Variants in EBF3 observed in about 807,000 individuals in gnomAD.
The protein encoded by EBF3 is transcription factor COE3.
In EBF3, 18 loss-of-function variants were observed where a neutral mutation model predicts 77.1. That is an observed-to-expected ratio of 0.23 (90% confidence interval 0.16 to 0.35). The LOEUF is 0.35. Among genes scored for constraint, EBF3 ranks in the 10% least tolerant of loss-of-function variants. The pLI, the probability that EBF3 is intolerant of heterozygous loss-of-function variation, is 1.00. For missense variants in EBF3, 558 were observed against 860.0 expected (o/e 0.65, Z 4.39); for synonymous variants, 350 against 343.5 (o/e 1.02, Z -0.21).
intron 6 of EBF3, among the ~76,000 whole-genome samples, chr10:129,891,133 A>G (rs1265514822): frequency 6.6e-6 from 1 of 152,236 alleles, no homozygotes; most frequent in Non-Finnish European, 1.5e-5. Context: ...GTACCGGGAT[A>G]TAGTGTAATA....
chr10:129,840,190 A>G lies in EBF3; in HGVS notation c.1759+55T>C. The G allele has an allele frequency of 3.2e-6, 3 of 932,230 alleles. No homozygotes were observed. In the South Asian group the frequency reaches 4.5e-5, roughly 14 times the overall value. 57.7% of individuals were successfully genotyped at this position (932,230 alleles called of 1,614,324 possible). ...AGGCCGAGCCCCCACCCCCACTCCC[A>G]TCCCCACCCCTGGAGAGGACCCAGC... On this transcript the variant is annotated intron_variant, in intron 15 of 16. Coordinates refer to ENST00000440978, the MANE Select transcript of EBF3 (RefSeq NM_001375380.1).
chr10:129,839,077 T>C lies in EBF3; in HGVS notation c.1872+6A>G. ...TGTGAAGACAATGATTTCAAATCACTGATACCTTTCCAGTTCCTTTTTTGA... is the reference window on the plus strand; with the variant it reads ...TGTGAAGACAATGATTTCAAATCACCGATACCTTTCCAGTTCCTTTTTTGA... On this transcript the variant is annotated splice_donor_region_variant and intron_variant, in intron 16 of 16. Transcript: ENST00000440978. 2.3e-6 allele frequency: 3 copies of C among 1,304,518 alleles called. No homozygotes were observed. The highest frequency in any genetic ancestry group is 3.0e-6 in the Non-Finnish European group (3 of 989,006). 80.8% of individuals were successfully genotyped at this position (1,304,518 alleles called of 1,614,324 possible).
Position 129,897,605 on chromosome 10 carries a change from C to T in EBF3, c.555-19756G>A, listed in dbSNP as rs993479592. 2.6e-5 allele frequency among the ~76,000 whole-genome samples: 4 copies of T among 152,184 alleles called. No individual in the cohort carries two copies. The highest frequency in any genetic ancestry group is 4.2e-4 in the South Asian group (2 of 4,798). ...GAGAGGCGAAGCCCGGGAAGGTTCTCGAGGGCGCCCATTGTCTCCGAGCCT... is the reference window on the plus strand; with the variant it reads ...GAGAGGCGAAGCCCGGGAAGGTTCTTGAGGGCGCCCATTGTCTCCGAGCCT... On this transcript the variant is annotated intron_variant, in intron 6 of 16. Transcript: ENST00000440978. The surrounding 1 kb of genome is among the most constrained non-coding windows in gnomAD (Gnocchi z 4.6).
chr10:129,841,042 T>TTC lies in EBF3; in HGVS notation c.1373-11_1373-10insGA. 2 of 1,507,646 alleles carry TTC rather than the reference T, an allele frequency of 1.3e-6. No individual in the cohort carries two copies. Among genetic ancestry groups the TTC allele is most frequent in the South Asian group, 1.3e-5 (1 of 76,902 alleles). The allele number at this position is 1,507,646 out of a possible 1,614,324, so 93.4% of individuals were successfully genotyped here. On this transcript the variant is annotated splice_polypyrimidine_tract_variant and intron_variant, in intron 13 of 16. Transcript: ENST00000440978. The surrounding 1 kb of genome is among the most constrained non-coding windows in gnomAD (Gnocchi z 4.6). ...TTGCGACTGTAGCCGACTGTTGAAA[T>TTC]CCCCCCCCCGGCCAAAAATAACATT...
In EBF3 at chr10:129,864,022, G is replaced by A. The variant is rs1851822320; in HGVS notation, c.1039+3119C>T. ...AGGACCCTGAGCTTGTGCCTGAGAA[G>A]CCCAGTCAGCCCCAGAGTGGGCACA... On this transcript the variant is annotated intron_variant, in intron 10 of 16. Coordinates refer to ENST00000440978, the MANE Select transcript of EBF3 (RefSeq NM_001375380.1). The surrounding 1 kb of genome is among the most constrained non-coding windows in gnomAD (Gnocchi z 4.4). 6.6e-6 allele frequency among the ~76,000 whole-genome samples: 1 copy of A among 152,172 alleles called. No individual in the cohort carries two copies. Among genetic ancestry groups the A allele is most frequent in the South Asian group, 2.1e-4 (1 of 4,826 alleles).
At chr10:129,905,703 G>C (rs1197747251) in intron 6 of EBF3, among the ~76,000 whole-genome samples, 1 of 152,166 alleles carries the variant, frequency 6.6e-6, no homozygotes, top group Non-Finnish European at 1.5e-5. Context: ...CGCAGCATCA[G>C]CCTCTCCAGG....
At chr10:129,948,902 T>C (rs900719670) in intron 6 of EBF3, among the ~76,000 whole-genome samples, 4 of 152,224 alleles carry the variant, frequency 2.6e-5, no homozygotes, top group Non-Finnish European at 5.9e-5. Context: ...GAGCCGGACG[T>C]GTGGTTCTTG....
chr10:129,868,709 G>A (rs1022611957), intron 8 of EBF3, among the ~76,000 whole-genome samples: 2 of 152,220 alleles, frequency 1.3e-5, no homozygotes, highest in Non-Finnish European at 1.5e-5. Context: ...GTCCCAGCAC[G>A]GTGCCCTCGG....
intron 6 of EBF3, among the ~76,000 whole-genome samples, chr10:129,930,635 T>C (rs1356037991): frequency 6.7e-6 from 1 of 148,892 alleles, no homozygotes; most frequent in African/African-American, 2.5e-5. Context: ...TATCTATCTC[T>C]ATATTAACAA....
At chr10:129,939,038 C>T (rs1056532385) in intron 6 of EBF3, among the ~76,000 whole-genome samples, 1 of 152,240 alleles carries the variant, frequency 6.6e-6, no homozygotes, top group African/African-American at 2.4e-5. Context: ...AACCACTCCA[C>T]TGCACAAAAT....
At chr10:129,876,208 C>T (rs1852760471) in intron 7 of EBF3, among the ~76,000 whole-genome samples, 2 of 152,188 alleles carry the variant, frequency 1.3e-5, no homozygotes, top group African/African-American at 4.8e-5. Context: ...ATTGTGTAAG[C>T]ACTGCCATCC....
chr10:129,896,706 TCCTTAAGCATTC>T (rs1854416199), intron 6 of EBF3, among the ~76,000 whole-genome samples: 6 of 152,210 alleles, frequency 3.9e-5, no homozygotes, highest in Admixed American at 1.3e-4. Flanking sequence ...GCTGCTCTCC[TCCTTAAGCATTC>T]CCTTTTGTTG....
chr10:129,875,472 C>G (rs977822493), intron 7 of EBF3, among the ~76,000 whole-genome samples: 2 of 152,024 alleles, frequency 1.3e-5, no homozygotes, highest in African/African-American at 4.8e-5. Flanking sequence ...CTGGGATGAC[C>G]GGCGTGAGCC....
At chr10:129,857,211 AAACACT>A (rs1851314343) in intron 10 of EBF3, among the ~76,000 whole-genome samples, 11 of 152,364 alleles carry the variant, frequency 7.2e-5, no homozygotes, top group Admixed American at 5.9e-4. Context: ...AGATTAATGT[AAACACT>A]GGAATCCCCA....
At position 129,857,948 on chromosome 10, in the gene EBF3, C is replaced by T. The variant is rs1012510104; in HGVS notation, c.1039+9193G>A. Among the ~76,000 whole-genome samples the T allele has an allele frequency of 1.8e-4, 28 of 152,264 alleles. 1 individual carries two copies. Among genetic ancestry groups the T allele is most frequent in the African/African-American group, 6.5e-4 (27 of 41,480 alleles). ...CACATAAGACACCGTGCTCACACTA[C>T]GCTTGTCCTACAGATCATTCCCGCC... On this transcript the variant is annotated intron_variant, in intron 10 of 16. Transcript: ENST00000440978.
intron 10 of EBF3, among the ~76,000 whole-genome samples, chr10:129,854,873 G>A (rs1040754131): frequency 2.0e-4 from 30 of 152,236 alleles, no homozygotes; most frequent in African/African-American, 5.1e-4. Flanking sequence ...CCTCCGCGTC[G>A]TTCACCAGGG....
At chr10:129,945,196 T>TG (rs1394317413) in intron 6 of EBF3, among the ~76,000 whole-genome samples, 3 of 17,264 alleles carry the variant, frequency 1.7e-4, no homozygotes, top group African/African-American at 8.8e-4. Context: ...GAGGGAGGCC[T>TG]GGGGGGATCT....
At chr10:129,958,903 G>A (rs1482987211) in intron 5 of EBF3, 31 bp downstream of exon 5, 2 of 1,580,906 alleles carry the variant, frequency 1.3e-6, no homozygotes, top group Middle Eastern at 1.7e-4. Flanking sequence ...GAGGCAGCCC[G>A]CGCCCCCGCC....
At position 129,863,009 on chromosome 10, in the gene EBF3, A is replaced by G. The variant is rs932725791; in HGVS notation, c.1039+4132T>C. Among the ~76,000 whole-genome samples, 2 of 152,216 alleles carry G rather than the reference A, an allele frequency of 1.3e-5. No individual in the cohort carries two copies. Among genetic ancestry groups the G allele is most frequent in the Non-Finnish European group, 2.9e-5 (2 of 68,044 alleles). Reference sequence around the variant, plus strand: ...AAACAAGCATTGCACTCAGTTATTAATTTGCACTATTTACTTTTAAATGCA... The same window carrying G: ...AAACAAGCATTGCACTCAGTTATTAGTTTGCACTATTTACTTTTAAATGCA... On this transcript the variant is annotated intron_variant, in intron 10 of 16. Transcript: ENST00000440978. This position sits in a 1 kb window ranked among gnomAD's most constrained non-coding sequence, Gnocchi z 4.0.
Sources: allele counts gnomAD v4.1 joint callset (sites outside exome capture counted in the v4.1 genomes callset), GRCh38; gene constraint gnomAD v4.1.1; non-coding constraint Gnocchi (gnomAD v3.1); transcripts MANE v1.5; gene names NCBI Gene and HGNC (gene_info 2026-07-23, HGNC 2026-07-21).